Variants in ATP2C2 observed in about 807,000 individuals in gnomAD.
The protein encoded by ATP2C2 is ATPase secretory pathway Ca2+ transporting 2.
In ATP2C2, 171 loss-of-function variants were observed where a neutral mutation model predicts 110.8. The observed-to-expected ratio is 1.54, with a 90% CI of 1.36 to 1.75. ATP2C2 has a LOEUF of 1.75. Among genes scored for constraint, ATP2C2 ranks in the 40% most tolerant of loss-of-function variants. The pLI is 0.00. For synonymous variants in ATP2C2, 804 were observed against 508.4 expected (o/e 1.58, Z -7.82); for missense variants, 1,963 against 1,235.0 (o/e 1.59, Z -8.84).
chr16:84,416,884 G>T (rs55858905), intron 7 of ATP2C2, among the ~76,000 whole-genome samples: 7,347 of 151,816 alleles, frequency 0.048, 514 homozygotes, highest in African/African-American at 0.15. Context: ...GGGAAGCTGG[G>T]CTCACATTTT....
chr16:84,371,854 T>C (rs1459170439), intron 1 of ATP2C2, among the ~76,000 whole-genome samples: 1 of 152,186 alleles, frequency 6.6e-6, no homozygotes, highest in African/African-American at 2.4e-5. Context: ...GTCAAGTGAG[T>C]GCTACCAGCT....
chr16:84,404,511 G>C (rs903347052), intron 2 of ATP2C2: 1 of 179,188 alleles, frequency 5.6e-6, no homozygotes, highest in Non-Finnish European at 1.2e-5. Flanking sequence ...TATCCATGTT[G>C]TAGCACGTGT....
intron 3 of ATP2C2, among the ~76,000 whole-genome samples, chr16:84,405,591 G>A (rs968761283): frequency 1.3e-5 from 2 of 152,188 alleles, no homozygotes; most frequent in Non-Finnish European, 2.9e-5. Context: ...AGAGTTGCCA[G>A]GTTTAGCAAA....
intron 1 of ATP2C2, among the ~76,000 whole-genome samples, chr16:84,385,389 C>A (rs1446873748): frequency 6.6e-6 from 1 of 152,190 alleles, no homozygotes; most frequent in African/African-American, 2.4e-5. Context: ...ACCAGGCCCA[C>A]CTCCAACATT....
chr16:84,450,631 G>C (rs1344792494), intron 17 of ATP2C2, among the ~76,000 whole-genome samples: 2 of 152,126 alleles, frequency 1.3e-5, no homozygotes, highest in Non-Finnish European at 2.9e-5. Context: ...GCAGTGTCAT[G>C]ACTGTGTAGG....
intron 6 of ATP2C2, among the ~76,000 whole-genome samples, chr16:84,412,477 CATGTGTAT>C (rs1490030506): frequency 1.1e-4 from 14 of 132,306 alleles, no homozygotes; most frequent in African/African-American, 4.1e-4. Flanking sequence ...TGTGTCTGTG[CATGTGTAT>C]GTGTGCATGT....
At chr16:84,398,917 A>G (rs771715294) in intron 2 of ATP2C2, among the ~76,000 whole-genome samples, 9 of 152,210 alleles carry the variant, frequency 5.9e-5, no homozygotes, top group Non-Finnish European at 1.2e-4. Flanking sequence ...TGAAGTTGAG[A>G]CACAGAAAGT....
intron 2 of ATP2C2, among the ~76,000 whole-genome samples, chr16:84,400,481 C>T (rs990919492): frequency 6.6e-6 from 1 of 152,096 alleles, no homozygotes; most frequent in Admixed American, 6.6e-5. Context: ...CGCCTGCCAC[C>T]ATGCCTGGCT....
At chr16:84,428,849 T>C (rs1908013417) in intron 11 of ATP2C2, among the ~76,000 whole-genome samples, 1 of 152,228 alleles carries the variant, frequency 6.6e-6, no homozygotes, top group South Asian at 2.1e-4. Context: ...TTAAACAACC[T>C]ATAAATGAGC....
At chr16:84,455,046 T>A in intron 21 of ATP2C2, 62 bp downstream of exon 21, 2 of 1,363,626 alleles carry the variant, frequency 1.5e-6, no homozygotes, top group East Asian at 3.3e-5. Context: ...AGCTTCTCCC[T>A]GGAACCTGCT....
At chr16:84,389,774 A>ACGGTGGCG (rs535176747) in intron 1 of ATP2C2, among the ~76,000 whole-genome samples, 43 of 143,396 alleles carry the variant, frequency 3.0e-4, no homozygotes, top group Non-Finnish European at 5.8e-4. Context: ...AGGCTGGAGT[A>ACGGTGGCG]CGGTGGCGCT....
In ATP2C2 at chr16:84,443,806, G is replaced by A. The variant is rs532946416; in HGVS notation, c.1401+1207G>A. Among the ~76,000 whole-genome samples, 328 of 152,218 alleles carry A rather than the reference G, an allele frequency of 2.2e-3. 2 individuals are homozygous for A. The highest frequency in any genetic ancestry group is 3.9e-3 in the Admixed American group (60 of 15,290). ...CCTTCCCAAAGCTGGTGCTGGGCGGGGGAGAGGTGGTCGCCCTCTCATAAG... is the reference window on the plus strand; with the variant it reads ...CCTTCCCAAAGCTGGTGCTGGGCGGAGGAGAGGTGGTCGCCCTCTCATAAG... On this transcript the variant is annotated intron_variant, in intron 15 of 26. Transcript: ENST00000262429.
chr16:84,450,288 C>T lies in ATP2C2; in HGVS notation c.1660+1599C>T, dbSNP rs116368124. Among the ~76,000 whole-genome samples the T allele has an allele frequency of 9.3e-4, 142 of 152,266 alleles. 1 individual carries two copies. Among genetic ancestry groups the T allele is most frequent in the African/African-American group, 3.3e-3 (139 of 41,532 alleles). The stretch of plus-strand genomic sequence containing the variant: ...CTGTGTTTAGTCTGGGATGTTATTC[C>T]TCAGCAGGTGACCGTGGACTGATGC... On this transcript the variant is annotated intron_variant, in intron 17 of 26. Transcript: ENST00000262429.
intron 16 of ATP2C2, among the ~76,000 whole-genome samples, chr16:84,447,701 T>C (rs1392744468): frequency 7.0e-6 from 1 of 142,634 alleles, no homozygotes; most frequent in Non-Finnish European, 1.5e-5. Flanking sequence ...ATATATATTA[T>C]GTAATATATA....
intron 1 of ATP2C2, among the ~76,000 whole-genome samples, chr16:84,370,958 G>A (rs552227518): frequency 6.2e-4 from 95 of 152,296 alleles, no homozygotes; most frequent in Non-Finnish European, 1.1e-3. Flanking sequence ...GTGGGGCCAC[G>A]TTTGTTTGCT....
At chr16:84,461,452 C>T in intron 24 of ATP2C2, 1 of 577,358 alleles carries the variant, frequency 1.7e-6, no homozygotes, top group South Asian at 2.1e-5. Context: ...GAGACAGTTA[C>T]TTCCTGGAGG....
At chr16:84,459,476 G>C (rs750091438) in intron 23 of ATP2C2, 90 bp downstream of exon 23, 2 of 1,598,286 alleles carry the variant, frequency 1.3e-6, no homozygotes, top group African/African-American at 2.7e-5. Flanking sequence ...AAGGCTATAG[G>C]GATGAACAAA....
intron 6 of ATP2C2, among the ~76,000 whole-genome samples, chr16:84,413,098 C>T (rs1359281734): frequency 7.7e-6 from 1 of 129,980 alleles, no homozygotes; most frequent in Non-Finnish European, 1.6e-5. Context: ...AACTCTGTCT[C>T]AAAAAAAAAA....
chr16:84,389,444 A>G (rs1232046811), intron 1 of ATP2C2, among the ~76,000 whole-genome samples: 1 of 152,230 alleles, frequency 6.6e-6, no homozygotes, highest in Non-Finnish European at 1.5e-5. Flanking sequence ...TTTACACATG[A>G]CACACAGTCA....
Sources: gnomAD v4.1 joint callset for allele counts (sites outside exome capture counted in the v4.1 genomes callset) on GRCh38, gnomAD v4.1.1 for gene constraint, MANE v1.5 for transcripts, NCBI Gene and HGNC (gene_info 2026-07-23, HGNC 2026-07-21) for gene names.